Variants in KIF5B observed in about 807,000 individuals in gnomAD.
KIF5B encodes the protein kinesin-1 heavy chain.
A neutral mutation model predicts 132.8 loss-of-function variants in KIF5B; 49 were observed. That is an observed-to-expected ratio of 0.37 (90% confidence interval 0.29 to 0.47). The LOEUF is 0.47. Ranked by LOEUF, KIF5B falls within the 20% of genes least tolerant of loss-of-function variation. KIF5B has a pLI of 1.00. For synonymous variants in KIF5B, 355 were observed against 369.4 expected (o/e 0.96, Z 0.45); for missense variants, 780 against 1,144.0 (o/e 0.68, Z 4.59).
intron 1 of KIF5B, among the ~76,000 whole-genome samples, chr10:32,050,751 C>G (rs944567364): frequency 2.6e-5 from 4 of 152,148 alleles, no homozygotes; most frequent in African/African-American, 7.2e-5. Context: ...CATATGTGAA[C>G]GTATCCTTTT....
intron 20 of KIF5B, among the ~76,000 whole-genome samples, chr10:32,018,901 G>GCCTAGC (rs1841219616): frequency 6.6e-6 from 1 of 151,976 alleles, no homozygotes; most frequent in Non-Finnish European, 1.5e-5. Flanking sequence ...TCACTATATT[G>GCCTAGC]CCTAGGCTGA....
intron 12 of KIF5B, among the ~76,000 whole-genome samples, chr10:32,033,001 A>T (rs1433183053): frequency 6.6e-6 from 1 of 152,258 alleles, no homozygotes; most frequent in Non-Finnish European, 1.5e-5. Flanking sequence ...ATCTCTGCTT[A>T]AAATATATTA....
chr10:32,026,914 T>C (rs1005536097), intron 15 of KIF5B, among the ~76,000 whole-genome samples: 1 of 152,170 alleles, frequency 6.6e-6, no homozygotes, highest in Non-Finnish European at 1.5e-5. Flanking sequence ...AGTGGCCCCA[T>C]AGTGAGTCCA....
intron 25 of KIF5B, among the ~76,000 whole-genome samples, chr10:32,013,899 GT>G (rs924004375): frequency 3.3e-5 from 5 of 152,186 alleles, no homozygotes; most frequent in African/African-American, 1.2e-4. Context: ...CCTACATTGT[GT>G]GAACAAAACG....
chr10:32,022,226 T>C lies in KIF5B; in HGVS notation c.1946A>G (p.Tyr649Cys). 6.2e-7 allele frequency: 1 copy of C among 1,612,944 alleles called. No homozygotes were observed. Among genetic ancestry groups the C allele is most frequent in the Non-Finnish European group, 8.5e-7 (1 of 1,179,348 alleles). ...HEAKIKSLTE[Y>C]LQNVEQKKRQ... ...TTTCTTTTGTTCCACATTTTGAAGG[T>C]ATTCAGTCAATGACTTGATTTTGGC... Residue 649 changes from tyrosine to cysteine, a missense_variant, in exon 17 of 26, where the codon TAC becomes TGC. Physicochemically the swap from Tyr to Cys is radical, Grantham distance 194. This residue lies in a region of KIF5B where 471 missense variants were observed against 569.9 expected (regional missense o/e 0.83). Coordinates refer to ENST00000302418, the MANE Select transcript of KIF5B (RefSeq NM_004521.3).
At position 32,015,651 on chromosome 10, in the gene KIF5B, T is replaced by C. The variant is rs144552798; in HGVS notation, c.2770A>G (p.Ile924Val). Residue 924 changes from isoleucine to valine, a missense_variant, in exon 25 of 26, where the codon ATT becomes GTT. Transcript: ENST00000302418. ...RGHSAQIAKP[I>V]RPGQHPAASP... ...GCTGCTGGATGTTGCCCGGGACGAA[T>C]AGGTTTAGCTAATATGAAAAATAAA... 48 of 1,608,470 alleles carry C rather than the reference T, an allele frequency of 3.0e-5. No individual in the cohort carries two copies. The African/African-American group carries it at 3.2e-4, about 11-fold the overall frequency.
chr10:32,018,117 C>G lies in KIF5B; in HGVS notation c.2479G>C (p.Ala827Pro), dbSNP rs1841200471. 2 of 1,611,506 alleles carry G rather than the reference C, an allele frequency of 1.2e-6. No homozygotes were observed. The highest frequency in any genetic ancestry group is 1.7e-6 in the Non-Finnish European group (2 of 1,178,348). The change falls in exon 23 of 26, where the codon GCT becomes CCT. Residue 827 changes from alanine to proline, a missense_variant. Around this residue, in one of 9 missense-constraint regions of KIF5B, gnomAD observed 471 missense variants for 569.9 expected, o/e 0.83. Coordinates refer to ENST00000302418, the MANE Select transcript of KIF5B (RefSeq NM_004521.3). ...AGAAAGGAGATTTTTTGCTTCTGAGCAGCGCTGCCTCCGGTGTCATCAGAA... is the reference window on the plus strand; with the variant it reads ...AGAAAGGAGATTTTTTGCTTCTGAGGAGCGCTGCCTCCGGTGTCATCAGAA... ...IDSDDTGGSA[A>P]QKQKISFLEN...
chr10:32,019,466 A>C (rs2286746), intron 20 of KIF5B, among the ~76,000 whole-genome samples: 13,484 of 152,250 alleles, frequency 0.089, 1,113 homozygotes, highest in East Asian at 0.47. Flanking sequence ...GCAAGGCTAA[A>C]CACCACAATG....
chr10:32,016,488 A>AAT (rs1175154035), intron 24 of KIF5B, among the ~76,000 whole-genome samples: 9 of 152,060 alleles, frequency 5.9e-5, no homozygotes, highest in East Asian at 1.9e-4. Flanking sequence ...TAAATAAATA[A>AAT]AACACAAAAA....
intron 2 of KIF5B, among the ~76,000 whole-genome samples, chr10:32,040,723 G>A (rs1564469441): frequency 6.6e-6 from 1 of 151,768 alleles, no homozygotes; most frequent in East Asian, 1.9e-4. Context: ...GCTGGGTGCG[G>A]TAGCTCACTC....
chr10:32,053,755 A>ACAAC (rs1196245952), intron 1 of KIF5B, among the ~76,000 whole-genome samples: 1 of 152,042 alleles, frequency 6.6e-6, no homozygotes, highest in Non-Finnish European at 1.5e-5. Context: ...TCTCAAAAAA[A>ACAAC]CAACCAACCA....
At chr10:32,054,909 ATC>A (rs1419308055) in intron 1 of KIF5B, among the ~76,000 whole-genome samples, 1 of 151,978 alleles carries the variant, frequency 6.6e-6, no homozygotes, top group Non-Finnish European at 1.5e-5. Flanking sequence ...AAAAAACAGT[ATC>A]TCACTATTCT....
At chr10:32,052,053 G>T (rs1186363996) in intron 1 of KIF5B, among the ~76,000 whole-genome samples, 2 of 152,164 alleles carry the variant, frequency 1.3e-5, no homozygotes, top group Admixed American at 6.5e-5. Flanking sequence ...AATCAAAAAG[G>T]AATAAGTTGA....
At chr10:32,053,378 T>C in intron 1 of KIF5B, among the ~76,000 whole-genome samples, 1 of 151,614 alleles carries the variant, frequency 6.6e-6, no homozygotes, top group East Asian at 1.9e-4. Flanking sequence ...TTTCATTTTT[T>C]AAGGCTATGT....
chr10:32,046,856 G>A (rs1841616152), intron 2 of KIF5B, among the ~76,000 whole-genome samples: 1 of 152,126 alleles, frequency 6.6e-6, no homozygotes, highest in Non-Finnish European at 1.5e-5. Context: ...CCTGATAAAT[G>A]TTCTGTAAGT....
At chr10:32,046,928 G>A (rs1221007672) in intron 2 of KIF5B, among the ~76,000 whole-genome samples, 1 of 128,956 alleles carries the variant, frequency 7.8e-6, no homozygotes, top group East Asian at 2.5e-4. Context: ...CCATGGCTTA[G>A]CCTAGCCTAC....
chr10:32,046,185 A>G (rs910665998), intron 2 of KIF5B, among the ~76,000 whole-genome samples: 1 of 152,196 alleles, frequency 6.6e-6, no homozygotes, highest in Non-Finnish European at 1.5e-5. Flanking sequence ...AGATACAAAA[A>G]AGACCTGTAT....
intron 24 of KIF5B, among the ~76,000 whole-genome samples, chr10:32,016,145 A>G (rs1325734862): frequency 6.6e-6 from 1 of 152,104 alleles, no homozygotes; most frequent in Non-Finnish European, 1.5e-5. Flanking sequence ...CCTGTGTCAT[A>G]AAAAACAAGC....
At position 32,022,246 on chromosome 10, in the gene KIF5B, T is replaced by A. The variant is rs1198726770; in HGVS notation, c.1926A>T (p.Lys642Asn). Reference protein sequence around the residue: ...CQLRISQHEAKIKSLTEYLQN... With the variant: ...CQLRISQHEANIKSLTEYLQN... ...GAAGGTATTCAGTCAATGACTTGAT[T>A]TTGGCTTCATGCTTTTGGAAAAAAT... The change falls in exon 17 of 26, where the codon AAA (lysine) becomes AAT (asparagine). Residue 642 changes from lysine to asparagine, a missense_variant. Lys to Asn is a moderately conservative substitution (Grantham distance 94). Transcript: ENST00000302418. 6.2e-7 allele frequency: 1 copy of A among 1,604,428 alleles called. No individual in the cohort carries two copies. Among genetic ancestry groups the A allele is most frequent in the African/African-American group, 1.3e-5 (1 of 74,612 alleles).
Sources: allele counts gnomAD v4.1 joint callset (sites outside exome capture counted in the v4.1 genomes callset), GRCh38; gene constraint gnomAD v4.1.1; regional missense constraint gnomAD v4.1.1; transcripts MANE v1.5; gene names NCBI Gene and HGNC (gene_info 2026-07-23, HGNC 2026-07-21).